NPFFR2: variants seen among roughly 807,000 people sequenced by gnomAD.
The protein encoded by NPFFR2 is neuropeptide FF receptor 2.
NPFFR2 carries 15 observed loss-of-function variants against 13.1 expected under a neutral mutation model. That is an observed-to-expected ratio of 1.15 (90% CI 0.77 to 1.76). The LOEUF (loss-of-function observed/expected upper bound fraction) is 1.76, where lower values mean the gene tolerates loss of function less well. Among genes scored for constraint, NPFFR2 ranks in the 40% most tolerant of loss-of-function variants. The pLI, the probability that NPFFR2 is intolerant of heterozygous loss-of-function variation, is 0.00. For synonymous variants in NPFFR2, 190 were observed against 175.7 expected (o/e 1.08, Z -0.65); for missense variants, 572 against 503.5 (o/e 1.14, Z -1.30).
At chr4:72,098,290 T>A (rs1721127535) in intron 1 of NPFFR2, among the ~76,000 whole-genome samples, 1 of 152,188 alleles carries the variant, frequency 6.6e-6, no homozygotes, top group African/African-American at 2.4e-5. Flanking sequence ...TAGACATATG[T>A]AAAAAGAGAT....
At chr4:72,122,102 T>C (rs555484041) in intron 1 of NPFFR2, among the ~76,000 whole-genome samples, 1 of 151,432 alleles carries the variant, frequency 6.6e-6, no homozygotes, top group South Asian at 2.1e-4. Context: ...GGGGTTGCAA[T>C]CCTAGTGTCT....
At chr4:72,065,197 T>C (rs1228199522) in intron 1 of NPFFR2, among the ~76,000 whole-genome samples, 4 of 152,098 alleles carry the variant, frequency 2.6e-5, no homozygotes, top group Non-Finnish European at 5.9e-5. Flanking sequence ...TTAAAAATTA[T>C]TTTTGAATGA....
chr4:72,051,747 G>A (rs897652071), intron 1 of NPFFR2, among the ~76,000 whole-genome samples: 86 of 152,060 alleles, frequency 5.7e-4, no homozygotes, highest in African/African-American at 2.0e-3. Flanking sequence ...TAGACTGCTA[G>A]CAAGACTAAT....
At chr4:72,135,895 G>A (rs1055855523) in intron 2 of NPFFR2, among the ~76,000 whole-genome samples, 13 of 151,824 alleles carry the variant, frequency 8.6e-5, no homozygotes, top group African/African-American at 1.5e-4. Context: ...GGCATATAAT[G>A]TGTAATAATC....
chr4:72,033,679 T>G (rs1718980481), intron 1 of NPFFR2, among the ~76,000 whole-genome samples: 1 of 152,224 alleles, frequency 6.6e-6, no homozygotes, highest in African/African-American at 2.4e-5. Context: ...TCTTGGTGCA[T>G]TTTGTGAACA....
intron 1 of NPFFR2, among the ~76,000 whole-genome samples, chr4:72,121,754 C>A (rs1284985114): frequency 6.6e-6 from 1 of 152,094 alleles, no homozygotes; most frequent in Non-Finnish European, 1.5e-5. Flanking sequence ...GAAGGAAGCA[C>A]TAAACATGGA....
At chr4:72,131,240 C>G (rs559896847) in intron 2 of NPFFR2, among the ~76,000 whole-genome samples, 1 of 151,874 alleles carries the variant, frequency 6.6e-6, no homozygotes, top group Non-Finnish European at 1.5e-5. Context: ...AGCCCAAGGT[C>G]CAAGCTTGAA....
intron 1 of NPFFR2, among the ~76,000 whole-genome samples, chr4:72,047,178 T>TAA (rs57694296): frequency 6.6e-6 from 1 of 150,938 alleles, no homozygotes. Flanking sequence ...TGTAAAGAAT[T>TAA]AAAAAAAAAA....
At chr4:72,117,002 G>GTC (rs1242352393) in intron 1 of NPFFR2, among the ~76,000 whole-genome samples, 2 of 151,988 alleles carry the variant, frequency 1.3e-5, no homozygotes, top group African/African-American at 4.8e-5. Flanking sequence ...GGGTCAAGAC[G>GTC]TCTACCTTAC....
intron 1 of NPFFR2, among the ~76,000 whole-genome samples, chr4:72,069,234 G>A (rs565979684): frequency 1.2e-4 from 19 of 152,160 alleles, no homozygotes; most frequent in African/African-American, 3.4e-4. Context: ...TTAGCTGTGT[G>A]TCAAAAGAAC....
intron 1 of NPFFR2, among the ~76,000 whole-genome samples, chr4:72,037,930 T>C (rs6825323): frequency 0.27 from 41,172 of 152,162 alleles, 5,867 homozygotes; most frequent in Middle Eastern, 0.37. Flanking sequence ...GCTTTTGATA[T>C]TTTGATTATC....
At chr4:72,138,426 T>C (rs2109844155) in intron 3 of NPFFR2, among the ~76,000 whole-genome samples, 1 of 131,720 alleles carries the variant, frequency 7.6e-6, no homozygotes. Context: ...CCCCACCCAA[T>C]GCAGGCCCCA....
At chr4:72,143,585 T>C (rs537208720) in intron 3 of NPFFR2, among the ~76,000 whole-genome samples, 5 of 152,222 alleles carry the variant, frequency 3.3e-5, no homozygotes, top group East Asian at 1.9e-4. Context: ...AGAAACACTT[T>C]TATAGGCGCA....
chr4:72,116,316 GCTTT>G (rs1156941739), intron 1 of NPFFR2, among the ~76,000 whole-genome samples: 2 of 151,870 alleles, frequency 1.3e-5, no homozygotes, highest in Non-Finnish European at 2.9e-5. Flanking sequence ...ACTATAATCT[GCTTT>G]CTTTCATAAT....
chr4:72,061,805 G>C (rs1176224346), intron 1 of NPFFR2, among the ~76,000 whole-genome samples: 1 of 151,948 alleles, frequency 6.6e-6, no homozygotes, highest in Non-Finnish European at 1.5e-5. Context: ...CAAGGGGAGG[G>C]AGAGCATTAG....
intron 1 of NPFFR2, among the ~76,000 whole-genome samples, chr4:72,085,510 T>C (rs928315285): frequency 6.6e-6 from 1 of 152,200 alleles, no homozygotes; most frequent in African/African-American, 2.4e-5. Context: ...TTCAACTAAA[T>C]GTATGCCATG....
At chr4:72,138,755 A>G (rs1455199700) in intron 3 of NPFFR2, among the ~76,000 whole-genome samples, 3 of 152,184 alleles carry the variant, frequency 2.0e-5, no homozygotes, top group Non-Finnish European at 2.9e-5. Context: ...AGCATGCTTT[A>G]TAATCCTTTG....
intron 1 of NPFFR2, among the ~76,000 whole-genome samples, chr4:72,103,498 T>C (rs1022430668): frequency 6.6e-6 from 1 of 152,082 alleles, no homozygotes; most frequent in South Asian, 2.1e-4. Context: ...TCTTTTTTTT[T>C]ATATTTTACT....
chr4:72,146,426 C>T (rs1722783784), intron 3 of NPFFR2: 1 of 152,096 alleles, frequency 6.6e-6, no homozygotes, highest in Non-Finnish European at 1.5e-5. Flanking sequence ...TGCTAATATC[C>T]TATTGGTCAA....
Sources: allele counts gnomAD v4.1 joint callset (sites outside exome capture counted in the v4.1 genomes callset), GRCh38; gene constraint gnomAD v4.1.1; transcripts MANE v1.5; gene names NCBI Gene and HGNC (gene_info 2026-07-23, HGNC 2026-07-21).